The following NRG1 variants were observed in gnomAD, a reference collection of about 807,000 sequenced individuals.
NRG1 encodes the protein pro-neuregulin-1, membrane-bound isoform.
NRG1 carries 18 observed loss-of-function variants against 63.8 expected under a neutral mutation model. The observed-to-expected ratio is 0.28, with a 90% CI of 0.19 to 0.42. The LOEUF is 0.42. Ranked by LOEUF, NRG1 falls within the 10% of genes least tolerant of loss-of-function variation. The pLI, the probability that NRG1 is intolerant of heterozygous loss-of-function variation, is 1.00. For synonymous variants in NRG1, 302 were observed against 301.3 expected (o/e 1.00, Z -0.02); for missense variants, 762 against 814.7 (o/e 0.94, Z 0.79).
intron 1 of NRG1, among the ~76,000 whole-genome samples, chr8:31,783,300 A>C (rs1205082446): frequency 6.6e-6 from 1 of 152,192 alleles, no homozygotes; most frequent in Non-Finnish European, 1.5e-5. Context: ...ATACCTTGGG[A>C]AGATTGTGTT....
intron 1 of NRG1, among the ~76,000 whole-genome samples, chr8:31,655,269 A>G (rs1433553070): frequency 6.6e-6 from 1 of 152,206 alleles, no homozygotes; most frequent in Non-Finnish European, 1.5e-5. Context: ...CCCCTTTCTG[A>G]GCTAAGAAGA....
chr8:32,100,298 A>G (rs977484962), intron 1 of NRG1, among the ~76,000 whole-genome samples: 4 of 152,230 alleles, frequency 2.6e-5, no homozygotes, highest in African/African-American at 9.6e-5. Context: ...AACTCAAGAC[A>G]ACATTTATAT....
At chr8:31,777,775 T>C (rs777762162) in intron 1 of NRG1, among the ~76,000 whole-genome samples, 13 of 151,110 alleles carry the variant, frequency 8.6e-5, no homozygotes, top group Non-Finnish European at 1.5e-4. Flanking sequence ...GCGGGGGAGA[T>C]GCCAGGCTCT....
intron 1 of NRG1, among the ~76,000 whole-genome samples, chr8:31,760,884 G>T (rs1817477153): frequency 6.6e-6 from 1 of 152,112 alleles, no homozygotes; most frequent in Non-Finnish European, 1.5e-5. Flanking sequence ...CATTGTGGAA[G>T]TCACTGTGGC....
chr8:31,891,793 A>G (rs1196938278), intron 1 of NRG1, among the ~76,000 whole-genome samples: 4 of 152,164 alleles, frequency 2.6e-5, no homozygotes, highest in African/African-American at 7.2e-5. Flanking sequence ...CATCCATACC[A>G]TGGAATAGTA....
chr8:31,969,069 C>T (rs891764794), intron 1 of NRG1, among the ~76,000 whole-genome samples: 1 of 152,142 alleles, frequency 6.6e-6, no homozygotes, highest in Non-Finnish European at 1.5e-5. Flanking sequence ...TTGATTGCAG[C>T]CCTTTATAAT....
intron 1 of NRG1, among the ~76,000 whole-genome samples, chr8:32,523,741 T>A (rs112612087): frequency 6.6e-6 from 1 of 151,910 alleles, no homozygotes. Context: ...TCCCAGCTAC[T>A]TGAGAGGCTG....
At chr8:32,510,955 C>T (rs1380299893) in intron 1 of NRG1, among the ~76,000 whole-genome samples, 20 of 125,566 alleles carry the variant, frequency 1.6e-4, no homozygotes, top group Admixed American at 3.4e-4. Flanking sequence ...TCTTTCTTTC[C>T]TTTTTTTTTT....
intron 1 of NRG1, among the ~76,000 whole-genome samples, chr8:32,328,886 T>G (rs957951758): frequency 2.0e-5 from 3 of 152,028 alleles, no homozygotes; most frequent in Non-Finnish European, 4.4e-5. Context: ...GAGTTGAACA[T>G]AAACATAAGG....
At chr8:31,897,909 A>G (rs1377660019) in intron 1 of NRG1, among the ~76,000 whole-genome samples, 2 of 151,338 alleles carry the variant, frequency 1.3e-5, no homozygotes, top group Admixed American at 1.3e-4. Context: ...AATCTCAGCT[A>G]CTTTGAAGGC....
intron 1 of NRG1, among the ~76,000 whole-genome samples, chr8:32,571,680 A>G (rs959147306): frequency 1.3e-5 from 2 of 151,954 alleles, no homozygotes; most frequent in African/African-American, 4.8e-5. Context: ...TCCTCTTGCC[A>G]TTACTTTTGC....
chr8:31,923,941 T>A (rs1449246567), intron 1 of NRG1, among the ~76,000 whole-genome samples: 1 of 152,304 alleles, frequency 6.6e-6, no homozygotes, highest in East Asian at 1.9e-4. Context: ...GTGCACACAT[T>A]ATTTAGCTCC....
At chr8:32,241,560 A>G (rs1021728615) in intron 1 of NRG1, among the ~76,000 whole-genome samples, 1 of 152,214 alleles carries the variant, frequency 6.6e-6, no homozygotes, top group Non-Finnish European at 1.5e-5. Flanking sequence ...GGCGTGCAAT[A>G]GAGTAGTCAA....
chr8:31,830,989 G>A (rs1387836360), intron 1 of NRG1, among the ~76,000 whole-genome samples: 1 of 152,030 alleles, frequency 6.6e-6, no homozygotes, highest in Non-Finnish European at 1.5e-5. Flanking sequence ...GACAACTTGG[G>A]TGTCATTACC....
At chr8:32,542,649 T>C (rs1832687639) in intron 1 of NRG1, among the ~76,000 whole-genome samples, 1 of 152,148 alleles carries the variant, frequency 6.6e-6, no homozygotes, top group African/African-American at 2.4e-5. Flanking sequence ...TATGCAGGCA[T>C]GGTGCAAGGA....
intron 1 of NRG1, among the ~76,000 whole-genome samples, chr8:31,675,744 A>G (rs556151347): frequency 5.6e-4 from 86 of 152,328 alleles, no homozygotes; most frequent in Non-Finnish European, 1.1e-3. Flanking sequence ...ATTGGAAAAA[A>G]AATGAGTTAT....
rs530519889 is a variant in NRG1, at chr8:32,661,118, A to G, written c.502+44233A>G. Among the ~76,000 whole-genome samples, 19 of 152,336 alleles carry G rather than the reference A, an allele frequency of 1.2e-4. 1 individual carries two copies. Among genetic ancestry groups the G allele is most frequent in the African/African-American group, 4.6e-4 (19 of 41,590 alleles). ...GTCAGTCAGAAATAGAGCGACATGGATGGTTTGAATAAAAATGCTGCCCTC... is the reference window on the plus strand; with the variant it reads ...GTCAGTCAGAAATAGAGCGACATGGGTGGTTTGAATAAAAATGCTGCCCTC... On this transcript the variant is annotated intron_variant, in intron 5 of 11. Transcript: ENST00000356819.
chr8:32,390,602 TAAA>T (rs66980062), intron 1 of NRG1, among the ~76,000 whole-genome samples: 22 of 130,616 alleles, frequency 1.7e-4, no homozygotes, highest in Non-Finnish European at 2.2e-4. Context: ...GACCCTGTCT[TAAA>T]AAAAAAAAAA....
intron 1 of NRG1, among the ~76,000 whole-genome samples, chr8:32,289,069 T>C (rs938428202): frequency 6.6e-6 from 1 of 152,224 alleles, no homozygotes. Flanking sequence ...AGGAGAGTTA[T>C]AGATTTTGTC....
Sources: gnomAD v4.1 joint callset for allele counts (sites outside exome capture counted in the v4.1 genomes callset) on GRCh38, gnomAD v4.1.1 for gene constraint, MANE v1.5 for transcripts, NCBI Gene and HGNC (gene_info 2026-07-23, HGNC 2026-07-21) for gene names.